Variants in ADARB2 observed in about 807,000 individuals in gnomAD.
The protein encoded by ADARB2 is inactive double-stranded RNA-specific editase B2.
In ADARB2, 25 loss-of-function variants were observed where a neutral mutation model predicts 62.2. The ratio of observed to expected loss-of-function variants is 0.40; its 90% CI spans 0.29 to 0.56. The LOEUF (loss-of-function observed/expected upper bound fraction) is 0.56. Among genes scored for constraint, ADARB2 ranks in the 20% least tolerant of loss-of-function variants. ADARB2 has a pLI of 0.43. For synonymous variants in ADARB2, 572 were observed against 500.8 expected (o/e 1.14, Z -1.90); for missense variants, 1,071 against 1,077.4 (o/e 0.99, Z 0.08).
At chr10:1,617,716 G>A (rs376373162) in intron 1 of ADARB2, among the ~76,000 whole-genome samples, 42 of 137,364 alleles carry the variant, frequency 3.1e-4, no homozygotes, top group African/African-American at 6.6e-4. Context: ...CTGGGAACTG[G>A]CCTCAGAGGG....
At chr10:1,507,034 C>T (rs903205947) in intron 1 of ADARB2, among the ~76,000 whole-genome samples, 1 of 152,216 alleles carries the variant, frequency 6.6e-6, no homozygotes, top group Non-Finnish European at 1.5e-5. Flanking sequence ...ACTCAGGGAC[C>T]AACGTCCACT....
chr10:1,603,146 C>CACACCTGT (rs1390132559), intron 1 of ADARB2, among the ~76,000 whole-genome samples: 8 of 86,078 alleles, frequency 9.3e-5, no homozygotes, highest in Non-Finnish European at 2.1e-4. Flanking sequence ...TAAACACACA[C>CACACCTGT]ACACCTGTAC....
intron 4 of ADARB2, among the ~76,000 whole-genome samples, chr10:1,247,105 G>T (rs1343919585): frequency 6.6e-6 from 1 of 152,080 alleles, no homozygotes; most frequent in Non-Finnish European, 1.5e-5. Context: ...ATTGTGAAAG[G>T]GAGTTCACTC....
intron 1 of ADARB2, among the ~76,000 whole-genome samples, chr10:1,616,791 C>T (rs1833640890): frequency 6.7e-6 from 1 of 148,448 alleles, no homozygotes; most frequent in African/African-American, 2.5e-5. Context: ...GAACTGGCCT[C>T]AGAGGGCTGC....
chr10:1,323,637 T>C (rs528096277), intron 3 of ADARB2, among the ~76,000 whole-genome samples: 7 of 152,086 alleles, frequency 4.6e-5, no homozygotes, highest in African/African-American at 7.2e-5. Flanking sequence ...CATGGGTCCA[T>C]AGAGCAGAAT....
At chr10:1,280,073 A>G (rs1194704036) in intron 3 of ADARB2, among the ~76,000 whole-genome samples, 1 of 152,174 alleles carries the variant, frequency 6.6e-6, no homozygotes, top group African/African-American at 2.4e-5. Context: ...CTGTGGCAGC[A>G]TCACCTTGTT....
rs566118544 is a variant in ADARB2, at chr10:1,187,571, C to G, written c.1865-2532G>C. On this transcript the variant is annotated intron_variant, in intron 8 of 9. Transcript: ENST00000381312. Reference sequence around the variant, plus strand: ...AGGATGCCCTGGCTCCGGCCTGTGCCCCTCTCCTTTCTCTTTGCGGAGGAC... The same window carrying G: ...AGGATGCCCTGGCTCCGGCCTGTGCGCCTCTCCTTTCTCTTTGCGGAGGAC... 2.6e-5 allele frequency among the ~76,000 whole-genome samples: 4 copies of G among 152,364 alleles called. No homozygotes were observed. The East Asian group carries it at 7.7e-4, about 29-fold the overall frequency.
At chr10:1,232,540 GGTAT>G (rs902717038) in intron 6 of ADARB2, among the ~76,000 whole-genome samples, 15 of 151,338 alleles carry the variant, frequency 9.9e-5, no homozygotes, top group Admixed American at 4.6e-4. Context: ...TGGTATATGT[GGTAT>G]GTGTGTGTGG....
At chr10:1,472,490 C>T (rs113917652) in intron 1 of ADARB2, among the ~76,000 whole-genome samples, 1 of 152,154 alleles carries the variant, frequency 6.6e-6, no homozygotes, top group Non-Finnish European at 1.5e-5. Context: ...GGGGTGTACC[C>T]AAGTGGACAC....
chr10:1,565,492 C>A (rs1209969891), intron 1 of ADARB2, among the ~76,000 whole-genome samples: 1 of 152,078 alleles, frequency 6.6e-6, no homozygotes, highest in Non-Finnish European at 1.5e-5. Context: ...CTGAAAGTGT[C>A]CACAAGAGGA....
chr10:1,452,574 C>T (rs542504322), intron 1 of ADARB2, among the ~76,000 whole-genome samples: 75 of 138,004 alleles, frequency 5.4e-4, no homozygotes, highest in African/African-American at 1.5e-3. Context: ...TGTTCTCACT[C>T]GTAAGTGGGA....
At chr10:1,434,873 G>C (rs1195917708) in intron 1 of ADARB2, among the ~76,000 whole-genome samples, 1 of 152,200 alleles carries the variant, frequency 6.6e-6, no homozygotes, top group East Asian at 1.9e-4. Flanking sequence ...GAGTTGGTCT[G>C]GCGATAGTTT....
At position 1,448,589 on chromosome 10, in the gene ADARB2, G is replaced by A. The variant is rs572754788; in HGVS notation, c.101-69429C>T. Among the ~76,000 whole-genome samples, 282 of 152,268 alleles carry A rather than the reference G, an allele frequency of 1.9e-3. 1 individual carries two copies. The highest frequency in any genetic ancestry group is 6.5e-3 in the African/African-American group (271 of 41,546). On this transcript the variant is annotated intron_variant, in intron 1 of 9. Coordinates refer to ENST00000381312, the MANE Select transcript of ADARB2 (RefSeq NM_018702.4). ...AAAGTTTTCACAGATCATTTGCATG[G>A]TAATAGGGTGCATGGACAAGCCCAT... is the stretch of plus-strand genomic sequence containing the variant.
At chr10:1,287,370 A>G (rs928289005) in intron 3 of ADARB2, among the ~76,000 whole-genome samples, 1 of 152,234 alleles carries the variant, frequency 6.6e-6, no homozygotes. Flanking sequence ...CACCACCTCA[A>G]AGACTTACTG....
intron 1 of ADARB2, among the ~76,000 whole-genome samples, chr10:1,656,251 T>C (rs866283298): frequency 1.1e-4 from 17 of 152,216 alleles, no homozygotes; most frequent in Non-Finnish European, 2.9e-5. Flanking sequence ...CCCCTTGTGT[T>C]AGTAGAACAA....
intron 8 of ADARB2, chr10:1,186,364 C>A: frequency 2.3e-6 from 1 of 426,774 alleles, no homozygotes; most frequent in South Asian, 1.7e-5. Context: ...GCATGGTCCA[C>A]ACAACAGTGA....
At chr10:1,619,540 CTCCCAGGT>C (rs1833684037) in intron 1 of ADARB2, among the ~76,000 whole-genome samples, 1 of 152,210 alleles carries the variant, frequency 6.6e-6, no homozygotes, top group African/African-American at 2.4e-5. Flanking sequence ...CAACCTCCAC[CTCCCAGGT>C]TCAAGCAATT....
intron 1 of ADARB2, among the ~76,000 whole-genome samples, chr10:1,452,479 T>C (rs1280980357): frequency 1.3e-5 from 2 of 152,084 alleles, no homozygotes; most frequent in African/African-American, 4.8e-5. Flanking sequence ...AAAGGTTGAG[T>C]TCATGTCCTT....
At chr10:1,403,060 G>A (rs1832678520) in intron 1 of ADARB2, among the ~76,000 whole-genome samples, 1 of 152,198 alleles carries the variant, frequency 6.6e-6, no homozygotes, top group Non-Finnish European at 1.5e-5. Flanking sequence ...AGCTCTGCTG[G>A]GTCCTGCAGG....
Sources: gnomAD v4.1 joint callset for allele counts (sites outside exome capture counted in the v4.1 genomes callset) on GRCh38, gnomAD v4.1.1 for gene constraint, MANE v1.5 for transcripts, NCBI Gene and HGNC (gene_info 2026-07-23, HGNC 2026-07-21) for gene names.